Variants in SORBS2 observed in about 807,000 individuals in gnomAD.
SORBS2 encodes the protein sorbin and SH3 domain-containing protein 2.
Under a neutral mutation model 97.7 loss-of-function variants are expected in SORBS2, and 46 were observed. The observed-to-expected ratio is 0.47, with a 90% CI of 0.37 to 0.60. The LOEUF (loss-of-function observed/expected upper bound fraction) is 0.60, where lower values mean the gene tolerates loss of function less well. Among genes scored for constraint, SORBS2 ranks in the 20% least tolerant of loss-of-function variants. The pLI is 0.00. For missense variants in SORBS2, 1,316 were observed against 1,282.3 expected (o/e 1.03, Z -0.40); for synonymous variants, 476 against 473.4 (o/e 1.01, Z -0.07).
chr4:185,868,557 C>A (rs1050503753), intron 1 of SORBS2, among the ~76,000 whole-genome samples: 3 of 152,066 alleles, frequency 2.0e-5, no homozygotes, highest in Admixed American at 6.5e-5. Context: ...GAAGACGACA[C>A]AGACAAATGA....
intron 1 of SORBS2, among the ~76,000 whole-genome samples, chr4:185,936,696 T>A (rs1385386988): frequency 6.6e-6 from 1 of 152,208 alleles, no homozygotes; most frequent in Non-Finnish European, 1.5e-5. Flanking sequence ...CTTTGTCAAG[T>A]CACATGTCCC....
intron 1 of SORBS2, among the ~76,000 whole-genome samples, chr4:185,890,216 A>G (rs929982733): frequency 5.9e-5 from 9 of 152,310 alleles, no homozygotes; most frequent in African/African-American, 1.9e-4. Flanking sequence ...ATTTATTAAT[A>G]TATCACTTTT....
chr4:185,640,350 G>A (rs1008348397), intron 4 of SORBS2, among the ~76,000 whole-genome samples: 10 of 152,100 alleles, frequency 6.6e-5, no homozygotes, highest in Non-Finnish European at 1.2e-4. Context: ...ATACACAAAC[G>A]ACTACAATGG....
Position 185,623,049 on chromosome 4 carries a change from G to A in SORBS2, c.2080C>T (p.Leu694=), listed in dbSNP as rs2096743591. 6.2e-7 allele frequency: 1 copy of A among 1,614,100 alleles called. No homozygotes were observed. Among genetic ancestry groups the A allele is most frequent in the Non-Finnish European group, 8.5e-7 (1 of 1,180,058 alleles). ...CAATGAATAGCACCATCGGGAGGCA[G>A]TGGGTGGAGAGGCTGGTGCAGGGGG... Residue 694 remains leucine, a synonymous_variant, in exon 7 of 15, where the codon CTG becomes TTG. Transcript: ENST00000418609. The surrounding 1 kb of genome is among the most constrained non-coding windows in gnomAD (Gnocchi z 6.4).
intron 1 of SORBS2, among the ~76,000 whole-genome samples, chr4:185,777,459 G>A (rs2099005573): frequency 6.6e-6 from 1 of 152,118 alleles, no homozygotes; most frequent in Non-Finnish European, 1.5e-5. Flanking sequence ...TACCAAAAAA[G>A]GGTATAATGC....
chr4:185,853,603 A>T (rs1314992836), intron 1 of SORBS2, among the ~76,000 whole-genome samples: 2 of 152,198 alleles, frequency 1.3e-5, no homozygotes, highest in Non-Finnish European at 2.9e-5. Flanking sequence ...CTTATTTTTA[A>T]TGTGAGCTAT....
At chr4:185,727,197 G>A (rs1000725010) in intron 2 of SORBS2, among the ~76,000 whole-genome samples, 3 of 152,150 alleles carry the variant, frequency 2.0e-5, no homozygotes, top group African/African-American at 7.2e-5. Context: ...ACATTGATGT[G>A]ATCAAAATAG....
intron 1 of SORBS2, among the ~76,000 whole-genome samples, chr4:185,788,058 T>A (rs1332636118): frequency 6.6e-6 from 1 of 152,216 alleles, no homozygotes; most frequent in African/African-American, 2.4e-5. Context: ...GGGAGAGGGC[T>A]TTCCACGGGG....
In SORBS2 at chr4:185,593,598, GAGCAGAGAGGGAGAC is replaced by G. The variant is rs1580465680; in HGVS notation, c.2846+273_2846+287del. The G allele has an allele frequency of 1.3e-5, 5 of 375,478 alleles. No homozygotes were observed. In the East Asian group the frequency reaches 2.7e-4, roughly 20 times the overall value. The allele number at this position is 375,478 out of a possible 1,614,324, so 23.3% of individuals were successfully genotyped here. On this transcript the variant is annotated intron_variant, in intron 13 of 14. Coordinates refer to ENST00000418609, the Ensembl canonical transcript of SORBS2. ...GCAGTTACTCGTTACACAGCCAGCAGAGCAGAGAGGGAGACAGAGTTATCCATCTTAGGAATCACT... is the reference window on the plus strand; with the variant it reads ...GCAGTTACTCGTTACACAGCCAGCAGAGAGTTATCCATCTTAGGAATCACT...
chr4:185,691,002 C>A (rs112477267), intron 2 of SORBS2, among the ~76,000 whole-genome samples: 6,755 of 151,942 alleles, frequency 0.044, 512 homozygotes, highest in African/African-American at 0.16. Context: ...TGGGTTCAAG[C>A]GATTCCCCTG....
chr4:185,607,005 C>T lies in SORBS2; in HGVS notation c.2796+4775G>A. The T allele has an allele frequency of 9.9e-7, 1 of 1,007,170 alleles. No individual in the cohort carries two copies. Among genetic ancestry groups the T allele is most frequent in the South Asian group, 4.1e-5 (1 of 24,642 alleles). 62.4% of individuals were successfully genotyped at this position (1,007,170 alleles called of 1,614,324 possible). ...CCTGAAGAGGCTCTGCATGGTAAGG[C>T]TGGGCTGCAGCCGAGGCCACACCCG... On this transcript the variant is annotated intron_variant, in intron 12 of 14. Transcript: ENST00000418609. This position sits in a 1 kb window ranked among gnomAD's most constrained non-coding sequence, Gnocchi z 5.2.
At chr4:185,590,637 C>T (rs1209124091) in intron 13 of SORBS2, among the ~76,000 whole-genome samples, 1 of 152,114 alleles carries the variant, frequency 6.6e-6, no homozygotes, top group Non-Finnish European at 1.5e-5. Context: ...CCTTTCCCGG[C>T]CTGAATTCTT....
Position 185,815,602 on chromosome 4 carries a change from C to T in SORBS2, c.-337-40236G>A, listed in dbSNP as rs10005900. 8.7e-3 allele frequency among the ~76,000 whole-genome samples: 1,328 copies of T among 152,132 alleles called. 16 individuals carry two copies. The highest frequency in any genetic ancestry group is 0.028 in the African/African-American group (1,170 of 41,524). On this transcript the variant is annotated intron_variant, in intron 1 of 20. Coordinates refer to the SORBS2 transcript ENST00000284776. ...GATTTTCAAACAAATATATTATCAT[C>T]AAAGAATACATATACACACACATAT... is the stretch of plus-strand genomic sequence containing the variant.
chr4:185,673,968 C>T lies in SORBS2; in HGVS notation c.-46+4455G>A, dbSNP rs190127155. Among the ~76,000 whole-genome samples the T allele has an allele frequency of 1.3e-4, 20 of 152,292 alleles. 1 individual carries two copies. The highest frequency in any genetic ancestry group is 4.8e-4 in the African/African-American group (20 of 41,564). On this transcript the variant is annotated intron_variant, in intron 4 of 20. Transcript: ENST00000284776. ...CCTTAGAGGACACTGCTTTCAGTCT[C>T]CTCCACTGCTTCTTCCTCTTAATGT... is the stretch of plus-strand genomic sequence containing the variant.
intron 1 of SORBS2, among the ~76,000 whole-genome samples, chr4:185,805,584 T>C (rs540633631): frequency 2.0e-5 from 3 of 152,298 alleles, no homozygotes; most frequent in East Asian, 1.9e-4. Context: ...TTCACCACTC[T>C]CCTGACCTCC....
intron 2 of SORBS2, among the ~76,000 whole-genome samples, chr4:185,694,831 T>C (rs1158360657): frequency 6.6e-6 from 1 of 151,824 alleles, no homozygotes; most frequent in Non-Finnish European, 1.5e-5. Context: ...CTCAGCCTTC[T>C]GAGTAGCTGG....
chr4:185,710,216 C>T (rs2098406126), intron 2 of SORBS2, among the ~76,000 whole-genome samples: 1 of 152,098 alleles, frequency 6.6e-6, no homozygotes, highest in Non-Finnish European at 1.5e-5. Context: ...AGTAATATTT[C>T]AGCTTTGCTT....
chr4:185,614,159 GTTTTTTTTTTTTTT>G (rs34929054), intron 11 of SORBS2, among the ~76,000 whole-genome samples: 7 of 91,610 alleles, frequency 7.6e-5, no homozygotes, highest in African/African-American at 2.6e-4. Context: ...GTTTTTTTGT[GTTTTTTTTTTTTTT>G]TTTTTTTTTG....
intron 1 of SORBS2, among the ~76,000 whole-genome samples, chr4:185,794,582 TC>T (rs956605236): frequency 1.3e-5 from 2 of 152,130 alleles, no homozygotes; most frequent in Non-Finnish European, 2.9e-5. Flanking sequence ...GTTTCCTGGG[TC>T]CAGTTCTCCC....
Sources: gnomAD v4.1 joint callset for allele counts (sites outside exome capture counted in the v4.1 genomes callset) on GRCh38, gnomAD v4.1.1 for gene constraint, Gnocchi (gnomAD v3.1) non-coding constraint, MANE v1.5 for transcripts, NCBI Gene and HGNC (gene_info 2026-07-23, HGNC 2026-07-21) for gene names.